RGSL1: variants seen among roughly 807,000 people sequenced by gnomAD.
The protein encoded by RGSL1 is regulator of G protein signaling protein-like.
In RGSL1, 97 loss-of-function variants were observed where a neutral mutation model predicts 124.7. The observed-to-expected ratio is 0.78, with a 90% CI of 0.66 to 0.92. RGSL1 has a LOEUF of 0.92. Ranked by LOEUF, RGSL1 falls within the 40% of genes least tolerant of loss-of-function variation. The pLI, the probability that RGSL1 is intolerant of heterozygous loss-of-function variation, is 0.00. For synonymous variants in RGSL1, 424 were observed against 438.1 expected (o/e 0.97, Z 0.40); for missense variants, 1,233 against 1,288.4 (o/e 0.96, Z 0.66).
At position 182,546,420 on chromosome 1, in the gene RGSL1, C is replaced by T. The variant is rs141704009; in HGVS notation, c.2670-1897C>T. Among the ~76,000 whole-genome samples, 955 of 151,974 alleles carry T rather than the reference C, an allele frequency of 6.3e-3. 5 individuals are homozygous for T. The highest frequency in any genetic ancestry group is 0.022 in the African/African-American group (903 of 41,406). ...GTATTTTGTTTTTGTTTTCATGAGA[C>T]GGAGTCTCACTCTGTCGCCAGGCTG... On this transcript the variant is annotated intron_variant, in intron 15 of 21. Coordinates refer to ENST00000294854, the MANE Select transcript of RGSL1 (RefSeq NM_001137669.2).
chr1:182,454,010 C>T lies in RGSL1; in HGVS notation c.66C>T (p.Ala22=), dbSNP rs562379923. Residue 22 remains alanine, a synonymous_variant, in exon 2 of 22, where the codon GCC becomes GCT. Coordinates refer to ENST00000294854, the MANE Select transcript of RGSL1 (RefSeq NM_001137669.2). ...TTCTGCTAGAGGATGAAGTCTTTGC[C>T]GATTTTTTCAACACATTTCTTTCCC... ...LIILLEDEVF[A]DFFNTFLSLP... is the part of the protein sequence containing the mutation. 8.5e-6 allele frequency: 13 copies of T among 1,535,074 alleles called. No individual in the cohort carries two copies. The highest frequency in any genetic ancestry group is 4.1e-5 in the African/African-American group (3 of 72,720).
Position 182,489,201 on chromosome 1 carries a change from A to G in RGSL1, c.1716A>G (p.Thr572=), listed in dbSNP as rs1222615609. The G allele has an allele frequency of 1.3e-6, 2 of 1,550,684 alleles. No homozygotes were observed. The highest frequency in any genetic ancestry group is 2.7e-5 in the African/African-American group (2 of 73,142). Residue 572 remains threonine, a splice_region_variant and synonymous_variant, in exon 8 of 22, where the codon ACA becomes ACG. Transcript: ENST00000294854. ...QVELTSPVFL[T]DITKMSFEEL... ...AGCTGACATCTCCAGTGTTTCTAAC[A>G]GGTCAGAGCAGTCACTGTAATTTTT...
At chr1:182,555,527 C>T (rs537538194) in intron 20 of RGSL1, 1 of 158,496 alleles carries the variant, frequency 6.3e-6, no homozygotes, top group Admixed American at 6.0e-5. Flanking sequence ...TCTGCTTCAG[C>T]CTAACTCACT....
chr1:182,548,698 A>G lies in RGSL1; in HGVS notation c.2809-2A>G. ...AGTGACAGGCTCCCACTCTGTGGGT[A>G]GGTGAATGTCCCTGAGTTCCAGAAG... is the stretch of plus-strand genomic sequence containing the variant. On this transcript the variant is annotated splice_acceptor_variant, in intron 16 of 21. Coordinates refer to ENST00000294854, the MANE Select transcript of RGSL1 (RefSeq NM_001137669.2). LOFTEE classifies it high-confidence loss of function. 1 of 1,551,456 alleles carries G rather than the reference A, an allele frequency of 6.4e-7. No individual in the cohort carries two copies. Among genetic ancestry groups the G allele is most frequent in the Middle Eastern group, 1.7e-4 (1 of 5,992 alleles).
intron 18 of RGSL1, among the ~76,000 whole-genome samples, chr1:182,552,728 G>A (rs1332073115): frequency 6.6e-6 from 1 of 152,192 alleles, no homozygotes; most frequent in African/African-American, 2.4e-5. Context: ...CCAAGAGCAT[G>A]ACACTAACAT....
At position 182,503,257 on chromosome 1, in the gene RGSL1, G is replaced by A. The variant is rs532985030; in HGVS notation, c.1825+10128G>A. Reference sequence around the variant, plus strand: ...GCCAAGATTTGGAAGCAACCTACACGTCCATCTTGATGCAAGATTTGCTTC... The same window carrying A: ...GCCAAGATTTGGAAGCAACCTACACATCCATCTTGATGCAAGATTTGCTTC... On this transcript the variant is annotated intron_variant, in intron 9 of 21. Coordinates refer to ENST00000294854, the MANE Select transcript of RGSL1 (RefSeq NM_001137669.2). Among the ~76,000 whole-genome samples the A allele has an allele frequency of 7.9e-5, 12 of 152,140 alleles. No individual in the cohort carries two copies. The South Asian group carries it at 8.3e-4, about 11-fold the overall frequency.
chr1:182,450,372 A>C, intron 1 of RGSL1, 194 bp downstream of exon 1: 1 of 677,510 alleles, frequency 1.5e-6, no homozygotes, highest in South Asian at 1.7e-5. Context: ...ATCTTTGAGG[A>C]TAGTACAGGG....
At chr1:182,531,625 C>T (rs1301061478) in intron 13 of RGSL1, among the ~76,000 whole-genome samples, 4 of 152,152 alleles carry the variant, frequency 2.6e-5, no homozygotes, top group African/African-American at 7.2e-5. Flanking sequence ...ATGTGTTACT[C>T]TTCCTTTTCT....
At chr1:182,524,133 C>T (rs637500) in intron 10 of RGSL1, among the ~76,000 whole-genome samples, 131,549 of 152,176 alleles carry the variant, frequency 0.86, 57,185 homozygotes, top group Non-Finnish European at 0.89. Flanking sequence ...AAAAGCCAGA[C>T]TGAGACCAAA....
intron 15 of RGSL1, among the ~76,000 whole-genome samples, chr1:182,545,132 C>T (rs1660130128): frequency 6.6e-6 from 1 of 151,988 alleles, no homozygotes; most frequent in Non-Finnish European, 1.5e-5. Context: ...TAATTCATTG[C>T]TTTTTATTTT....
upstream of RGSL1, chr1:182,450,094 T>C (rs1297728958): frequency 6.5e-7 from 1 of 1,530,894 alleles, no homozygotes; most frequent in Non-Finnish European, 8.9e-7. Context: ...GTGTTCACAA[T>C]GGATATAGTT....
chr1:182,538,191 G>T (rs1659666972), intron 14 of RGSL1, among the ~76,000 whole-genome samples: 1 of 152,144 alleles, frequency 6.6e-6, no homozygotes, highest in Non-Finnish European at 1.5e-5. Context: ...GATAAATCCA[G>T]TTCTTGGTAC....
intron 6 of RGSL1, among the ~76,000 whole-genome samples, chr1:182,480,671 G>A (rs919952024): frequency 6.6e-6 from 1 of 151,960 alleles, no homozygotes; most frequent in African/African-American, 2.4e-5. Context: ...GGCCAAGCTG[G>A]TCTCAAACTC....
At chr1:182,521,561 T>G (rs559012733) in intron 9 of RGSL1, among the ~76,000 whole-genome samples, 2 of 152,232 alleles carry the variant, frequency 1.3e-5, no homozygotes, top group Admixed American at 1.3e-4. Context: ...AAAGAAGAAG[T>G]CAAGCATCTG....
chr1:182,468,300 A>G (rs570403775), intron 4 of RGSL1, among the ~76,000 whole-genome samples: 78 of 152,228 alleles, frequency 5.1e-4, no homozygotes, highest in Non-Finnish European at 9.3e-4. Flanking sequence ...TCATTCTACT[A>G]TAAAGACGCA....
intron 9 of RGSL1, among the ~76,000 whole-genome samples, chr1:182,510,279 C>G (rs1285800503): frequency 2.7e-5 from 1 of 37,724 alleles, no homozygotes; most frequent in African/African-American, 1.3e-4. Flanking sequence ...GACGGGGTGG[C>G]GGCCGGGCAG....
At position 182,473,756 on chromosome 1, in the gene RGSL1, C is replaced by A. The variant is rs773748257; in HGVS notation, c.645C>A (p.Tyr215Ter). 2.3e-5 allele frequency: 35 copies of A among 1,551,574 alleles called. No homozygotes were observed. The highest frequency in any genetic ancestry group is 3.0e-5 in the Non-Finnish European group (34 of 1,146,978). ...CATGCCATGGTCTGATGCAAGAGTA[C>A]GAGACTCGCTTATACAGCGTTTGCT... is the stretch of plus-strand genomic sequence containing the variant. ...EEACHGLMQE[Y>*]ETRLYSVCYT... is the part of the protein sequence containing the mutation. Residue 215 changes from tyrosine (Y) to a stop codon, truncating the protein, a stop_gained, in exon 6 of 22, where the codon TAC (tyrosine) becomes TAA (stop). Transcript: ENST00000294854. LOFTEE classifies it high-confidence loss of function.
At chr1:182,497,098 A>G (rs1655973702) in intron 9 of RGSL1, among the ~76,000 whole-genome samples, 2 of 152,166 alleles carry the variant, frequency 1.3e-5, no homozygotes. Flanking sequence ...GGCCCATTGA[A>G]TTACATTATG....
chr1:182,502,213 G>C (rs1239084497), intron 9 of RGSL1, among the ~76,000 whole-genome samples: 1 of 152,102 alleles, frequency 6.6e-6, no homozygotes, highest in East Asian at 1.9e-4. Flanking sequence ...ATTGCTCTCA[G>C]AAAGTAGATG....
Sources: gnomAD v4.1 joint callset for allele counts (sites outside exome capture counted in the v4.1 genomes callset) on GRCh38, gnomAD v4.1.1 for gene constraint, MANE v1.5 for transcripts, NCBI Gene and HGNC (gene_info 2026-07-23, HGNC 2026-07-21) for gene names.